REEP1: variants seen among roughly 807,000 people sequenced by gnomAD.
The protein encoded by REEP1 is receptor expression-enhancing protein 1.
A neutral mutation model predicts 40.3 loss-of-function variants in REEP1; 22 were observed. That is an observed-to-expected ratio of 0.55 (90% confidence interval 0.39 to 0.78). The LOEUF (loss-of-function observed/expected upper bound fraction) is 0.78, where lower values mean the gene tolerates loss of function less well. Among genes scored for constraint, REEP1 ranks in the 30% least tolerant of loss-of-function variants. The pLI, the probability that REEP1 is intolerant of heterozygous loss-of-function variation, is 0.00. For synonymous variants in REEP1, 116 were observed against 139.2 expected, an observed-to-expected ratio of 0.83 and a Z score of 1.17; for missense variants, 280 against 361.1, an observed-to-expected ratio of 0.78 and a Z score of 1.82.
At chr2:86,277,366 G>A (rs905060821) in intron 2 of REEP1, among the ~76,000 whole-genome samples, 1 of 152,016 alleles carries the variant, frequency 6.6e-6, no homozygotes, top group African/African-American at 2.4e-5. Flanking sequence ...GACCAGCCTG[G>A]CCAACATGGT....
intron 1 of REEP1, among the ~76,000 whole-genome samples, chr2:86,326,637 G>C (rs1419533986): frequency 6.6e-6 from 1 of 152,110 alleles, no homozygotes; most frequent in Admixed American, 6.5e-5. Context: ...GCCTGAACCC[G>C]GGAGGCGGAG....
At position 86,266,097 on chromosome 2, in the gene REEP1, T is replaced by G. The variant is rs1163121643; in HGVS notation, c.106-2056A>C. Among the ~76,000 whole-genome samples, 2 of 152,200 alleles carry G rather than the reference T, an allele frequency of 1.3e-5. 1 individual carries two copies. The highest frequency in any genetic ancestry group is 3.8e-4 in the East Asian group (2 of 5,198). On this transcript the variant is annotated intron_variant, in intron 2 of 8. Transcript: ENST00000538924. ...CAATAGAAACAGATCCACAGATGAC[T>G]TCGATATTAGAATTAGCAGACAAGG...
At chr2:86,258,266 C>G (rs913381586) in intron 3 of REEP1, among the ~76,000 whole-genome samples, 1 of 152,214 alleles carries the variant, frequency 6.6e-6, no homozygotes, top group Non-Finnish European at 1.5e-5. Context: ...ATAACCCTGG[C>G]CCATGGGCCA....
intron 1 of REEP1, among the ~76,000 whole-genome samples, chr2:86,288,675 A>C (rs1678538816): frequency 6.6e-6 from 1 of 152,198 alleles, no homozygotes; most frequent in South Asian, 2.1e-4. Context: ...CTTCCACCAG[A>C]TAATGCAAAA....
At chr2:86,260,121 G>A (rs1014009347) in intron 3 of REEP1, among the ~76,000 whole-genome samples, 8 of 152,160 alleles carry the variant, frequency 5.3e-5, no homozygotes, top group African/African-American at 1.9e-4. Context: ...GAGGAAGGAA[G>A]GAGAGAGAGG....
At chr2:86,267,078 T>C (rs1677189990) in intron 2 of REEP1, among the ~76,000 whole-genome samples, 1 of 152,016 alleles carries the variant, frequency 6.6e-6, no homozygotes, top group African/African-American at 2.4e-5. Context: ...AGAGAATTGC[T>C]TGAGGCCAGG....
chr2:86,294,723 TTAGATAGATAGATAGA>T (rs10674625), intron 1 of REEP1, among the ~76,000 whole-genome samples: 43 of 148,984 alleles, frequency 2.9e-4, no homozygotes, highest in African/African-American at 3.2e-4. Flanking sequence ...GATTTATATT[TTAGATAGATAGATAGA>T]TAGATAGATA....
chr2:86,316,812 T>C lies in REEP1; in HGVS notation c.32+20667A>G, dbSNP rs750091136. Among the ~76,000 whole-genome samples the C allele has an allele frequency of 5.9e-5, 9 of 152,124 alleles. No homozygotes were observed. In the South Asian group the frequency reaches 8.3e-4, roughly 14 times the overall value. The stretch of plus-strand genomic sequence containing the variant: ...AGGCAGAGGTTGCAGTGGGCCGAGA[T>C]CGTGCCATCGCACTCCAGCCTGGGG... On this transcript the variant is annotated intron_variant, in intron 1 of 8. Transcript: ENST00000538924.
intron 1 of REEP1, among the ~76,000 whole-genome samples, chr2:86,322,147 G>A (rs1306553018): frequency 1.3e-5 from 2 of 152,132 alleles, no homozygotes; most frequent in African/African-American, 4.8e-5. Context: ...TGATGTGTAT[G>A]ACATTTATAG....
At chr2:86,221,899 C>A (rs1017052184) in intron 7 of REEP1, among the ~76,000 whole-genome samples, 25 of 152,120 alleles carry the variant, frequency 1.6e-4, no homozygotes, top group Admixed American at 1.2e-3. Flanking sequence ...GCCCTCAGAC[C>A]AAGGCAAAAA....
Position 86,337,145 on chromosome 2 carries a change from G to C in REEP1, c.32+334C>G, listed in dbSNP as rs1274091851. 1 of 162,742 alleles carries C rather than the reference G, an allele frequency of 6.1e-6. No homozygotes were observed. 10.1% of individuals were successfully genotyped at this position (162,742 alleles called of 1,614,324 possible). ...CGCGTGTCCGCGGTGCGCCCATTCG[G>C]GGCCTCTGCAAATCGACCGAGCTGA... On this transcript the variant is annotated intron_variant, in intron 1 of 8. Coordinates refer to ENST00000538924, the MANE Select transcript of REEP1 (RefSeq NM_001371279.1). This position sits in a 1 kb window ranked among gnomAD's most constrained non-coding sequence, Gnocchi z 5.8.
intron 1 of REEP1, among the ~76,000 whole-genome samples, chr2:86,330,956 T>C (rs1424962373): frequency 1.3e-5 from 2 of 152,228 alleles, no homozygotes; most frequent in Non-Finnish European, 2.9e-5. Flanking sequence ...TAATGGATTA[T>C]AAGCAGCATT....
chr2:86,332,406 C>T (rs1007709419), intron 1 of REEP1, among the ~76,000 whole-genome samples: 3 of 150,628 alleles, frequency 2.0e-5, no homozygotes, highest in African/African-American at 7.4e-5. Context: ...CCATATCTCT[C>T]CTTTCCCTAG....
chr2:86,263,292 C>T lies in REEP1; in HGVS notation c.182+673G>A, dbSNP rs113950779. Among the ~76,000 whole-genome samples, 466 of 152,300 alleles carry T rather than the reference C, an allele frequency of 3.1e-3. 4 individuals are homozygous for T. Among genetic ancestry groups the T allele is most frequent in the African/African-American group, 0.01 (426 of 41,550 alleles). Reference sequence around the variant, plus strand: ...TCACCCAGGCTGGAGTGCAATGATGCGATCTTGGCTTACTGCAACCTCCAC... The same window carrying T: ...TCACCCAGGCTGGAGTGCAATGATGTGATCTTGGCTTACTGCAACCTCCAC... On this transcript the variant is annotated intron_variant, in intron 3 of 8. Coordinates refer to ENST00000538924, the MANE Select transcript of REEP1 (RefSeq NM_001371279.1).
At chr2:86,302,972 C>T (rs1198324323) in intron 1 of REEP1, among the ~76,000 whole-genome samples, 1 of 152,130 alleles carries the variant, frequency 6.6e-6, no homozygotes, top group Non-Finnish European at 1.5e-5. Context: ...AGTGTAGCTA[C>T]GGTCCACTCG....
chr2:86,230,210 T>C (rs1371031664), intron 6 of REEP1, among the ~76,000 whole-genome samples: 2 of 152,228 alleles, frequency 1.3e-5, no homozygotes, highest in Non-Finnish European at 2.9e-5. Flanking sequence ...TCATCCCAAA[T>C]GCTTTTCTAC....
intron 3 of REEP1, among the ~76,000 whole-genome samples, chr2:86,258,830 T>A (rs1676704909): frequency 6.6e-6 from 1 of 152,190 alleles, no homozygotes; most frequent in Non-Finnish European, 1.5e-5. Flanking sequence ...CCAAGGCATA[T>A]GTACAGCACT....
intron 1 of REEP1, among the ~76,000 whole-genome samples, chr2:86,331,344 T>G (rs1680752207): frequency 6.6e-6 from 1 of 152,116 alleles, no homozygotes; most frequent in Non-Finnish European, 1.5e-5. Flanking sequence ...CATGCTGACT[T>G]CTGTGGCTGA....
At chr2:86,316,927 T>C (rs1419460700) in intron 1 of REEP1, among the ~76,000 whole-genome samples, 2 of 152,218 alleles carry the variant, frequency 1.3e-5, no homozygotes, top group Non-Finnish European at 2.9e-5. Context: ...ATACCCTGAC[T>C]TACTGTCCCA....
Sources: gnomAD v4.1 joint callset for allele counts (sites outside exome capture counted in the v4.1 genomes callset) on GRCh38, gnomAD v4.1.1 for gene constraint, Gnocchi (gnomAD v3.1) non-coding constraint, MANE v1.5 for transcripts, NCBI Gene and HGNC (gene_info 2026-07-23, HGNC 2026-07-21) for gene names.